Variants in ALK observed in about 807,000 individuals in gnomAD.
ALK encodes the protein ALK receptor tyrosine kinase.
Under a neutral mutation model 163.1 loss-of-function variants are expected in ALK, and 74 were observed. The observed-to-expected ratio is 0.45, with a 90% CI of 0.38 to 0.55. ALK has a LOEUF of 0.55. Among genes scored for constraint, ALK ranks in the 20% least tolerant of loss-of-function variants. The pLI, the probability that ALK is intolerant of heterozygous loss-of-function variation, is 0.00. For missense variants in ALK, 2,063 were observed against 2,105.3 expected (o/e 0.98, Z 0.39); for synonymous variants, 960 against 843.2 (o/e 1.14, Z -2.40).
chr2:29,826,441 G>A (rs1357074927), intron 1 of ALK, among the ~76,000 whole-genome samples: 5 of 146,386 alleles, frequency 3.4e-5, no homozygotes, highest in African/African-American at 5.1e-5. Flanking sequence ...AGCATCACCA[G>A]TTGATTTAAA....
chr2:29,441,012 C>T (rs1670527269), intron 4 of ALK, among the ~76,000 whole-genome samples: 1 of 152,166 alleles, frequency 6.6e-6, no homozygotes, highest in African/African-American at 2.4e-5. Context: ...CTTCAATAGC[C>T]AACTTGGACT....
At chr2:29,654,821 T>C (rs1451066147) in intron 3 of ALK, among the ~76,000 whole-genome samples, 1 of 152,098 alleles carries the variant, frequency 6.6e-6, no homozygotes, top group Non-Finnish European at 1.5e-5. Context: ...ATTCCCCTCC[T>C]TAAGACACTG....
At chr2:29,249,304 G>C (rs918422108) in intron 12 of ALK, among the ~76,000 whole-genome samples, 8 of 152,134 alleles carry the variant, frequency 5.3e-5, no homozygotes, top group African/African-American at 1.9e-4. Flanking sequence ...CTTACTGTTG[G>C]GTTTCCTGTG....
intron 3 of ALK, among the ~76,000 whole-genome samples, chr2:29,619,034 T>C (rs1003485892): frequency 5.9e-5 from 9 of 152,140 alleles, no homozygotes; most frequent in Admixed American, 5.9e-4. Flanking sequence ...TAGTTGTGTA[T>C]TTATTTAATT....
intron 4 of ALK, among the ~76,000 whole-genome samples, chr2:29,461,630 G>A (rs1460069154): frequency 6.6e-6 from 1 of 152,102 alleles, no homozygotes. Flanking sequence ...CAGACCTATT[G>A]CTCAGAGAAA....
intron 4 of ALK, among the ~76,000 whole-genome samples, chr2:29,439,343 T>C (rs1237718564): frequency 2.0e-5 from 3 of 152,224 alleles, no homozygotes; most frequent in Admixed American, 2.0e-4. Flanking sequence ...TGCTTATAGC[T>C]CTTACTTGAC....
chr2:29,519,044 A>G (rs1044190866), intron 4 of ALK, among the ~76,000 whole-genome samples: 4 of 152,262 alleles, frequency 2.6e-5, no homozygotes, highest in Non-Finnish European at 4.4e-5. Context: ...AGAGCCTACA[A>G]GGTAAGCAGG....
At chr2:29,538,055 G>T (rs1228150339) in intron 3 of ALK, among the ~76,000 whole-genome samples, 1 of 152,208 alleles carries the variant, frequency 6.6e-6, no homozygotes, top group Non-Finnish European at 1.5e-5. Context: ...GATTTTATAG[G>T]CACATAGGTG....
At chr2:29,808,768 A>G (rs1664679800) in intron 1 of ALK, among the ~76,000 whole-genome samples, 1 of 152,178 alleles carries the variant, frequency 6.6e-6, no homozygotes, top group African/African-American at 2.4e-5. Flanking sequence ...GTGGAAAGCA[A>G]AAGTCCATCC....
In ALK at chr2:29,223,360, T is replaced by C; in HGVS notation, c.3341A>G (p.Lys1114Arg). 1.9e-6 allele frequency: 3 copies of C among 1,614,178 alleles called. No individual in the cohort carries two copies. The highest frequency in any genetic ancestry group is 2.5e-6 in the Non-Finnish European group (3 of 1,180,040). ...SISDLKEVPR[K>R]NITLIRGLGH... The stretch of plus-strand genomic sequence containing the variant: ...CGCTCACCGAATGAGGGTGATGTTT[T>C]TCCGCGGCACCTCCTTCAGGTCACT... The change falls in exon 20 of 29, where the codon AAA becomes AGA. Residue 1114 changes from lysine (K) to arginine (R), a missense_variant. Physicochemically the swap from Lys to Arg is conservative, Grantham distance 26. Around this residue, in one of 5 missense-constraint regions of ALK, gnomAD observed 575 missense variants for 626.6 expected, o/e 0.92. Coordinates refer to ENST00000389048, the MANE Select transcript of ALK (RefSeq NM_004304.5).
chr2:29,296,808 C>G (rs1033369168), intron 9 of ALK, 80 bp downstream of exon 9: 9 of 1,587,846 alleles, frequency 5.7e-6, no homozygotes, highest in African/African-American at 1.3e-5. Context: ...GTAAAAGGCA[C>G]GGGGAAAGGG....
chr2:29,453,799 G>T (rs1166065094), intron 4 of ALK, among the ~76,000 whole-genome samples: 1 of 152,068 alleles, frequency 6.6e-6, no homozygotes, highest in African/African-American at 2.4e-5. Flanking sequence ...AAAATTTGAG[G>T]TATCCCTTGA....
At chr2:29,594,500 C>T (rs539820557) in intron 3 of ALK, among the ~76,000 whole-genome samples, 9 of 148,198 alleles carry the variant, frequency 6.1e-5, no homozygotes, top group African/African-American at 2.3e-4. Context: ...ACAATCTCGG[C>T]TCACTGCAAT....
rs1672554703 is a variant in ALK at position 29,512,643 on chromosome 2, G to A, written c.1154+19272C>T. Among the ~76,000 whole-genome samples, 3 of 149,528 alleles carry A rather than the reference G, an allele frequency of 2.0e-5. No individual in the cohort carries two copies. The South Asian group carries it at 6.5e-4, about 32-fold the overall frequency. On this transcript the variant is annotated intron_variant, in intron 4 of 28. Transcript: ENST00000389048. ...ATTCAACATAGTGTTGGAAGTTCTG[G>A]CCAGGGCAATTAGGCAGGTGAAGGA...
chr2:29,209,481 G>A (rs1001901611), intron 25 of ALK, among the ~76,000 whole-genome samples: 1 of 149,842 alleles, frequency 6.7e-6, no homozygotes, highest in African/African-American at 2.5e-5. Context: ...GGCAGAGGTT[G>A]TGGTGAGCCG....
rs371521416 is a variant in ALK, at chr2:29,223,520, G to A, written c.3181C>T (p.Arg1061Trp). The change falls in exon 20 of 29, where the codon CGG becomes TGG. Residue 1061 changes from arginine (R) to tryptophan (W), a missense_variant. This residue lies in a region of ALK where 575 missense variants were observed against 626.6 expected (regional missense o/e 0.92). Transcript: ENST00000389048. ...AFSGIMIVYR[R>W]KHQELQAMQM... ...ATGGCTTGCAGCTCCTGGTGCTTCCGGCGGTACACTGCAGGTGGGTGGTCA... is the reference window on the plus strand; with the variant it reads ...ATGGCTTGCAGCTCCTGGTGCTTCCAGCGGTACACTGCAGGTGGGTGGTCA... 20 of 1,613,518 alleles carry A rather than the reference G, an allele frequency of 1.2e-5. No individual in the cohort carries two copies. The Middle Eastern group carries it at 1.3e-3, about 106-fold the overall frequency.
In ALK at chr2:29,889,640, A is replaced by AC. The variant is rs554570471; in HGVS notation, c.667+30352dup. ...ACTTCCTGGGTCTGGCCATGCACAG[A>AC]CCCCCAGTACTGTTGTGGAATATCT... On this transcript the variant is annotated intron_variant, in intron 1 of 28. Transcript: ENST00000389048. Among the ~76,000 whole-genome samples the AC allele has an allele frequency of 3.3e-5, 5 of 150,772 alleles. No homozygotes were observed. The East Asian group carries it at 9.8e-4, about 30-fold the overall frequency.
At chr2:29,563,880 C>T (rs1458387561) in intron 3 of ALK, among the ~76,000 whole-genome samples, 1 of 152,160 alleles carries the variant, frequency 6.6e-6, no homozygotes, top group Non-Finnish European at 1.5e-5. Flanking sequence ...GCACTGTGGC[C>T]TGACCAAGGG....
At chr2:29,769,114 G>A (rs13433070) in intron 1 of ALK, among the ~76,000 whole-genome samples, 36,658 of 152,092 alleles carry the variant, frequency 0.24, 4,747 homozygotes, top group East Asian at 0.45. Context: ...GATTACAGGT[G>A]TGAGCCACAG....
Sources: allele counts gnomAD v4.1 joint callset (sites outside exome capture counted in the v4.1 genomes callset), GRCh38; gene constraint gnomAD v4.1.1; regional missense constraint gnomAD v4.1.1; transcripts MANE v1.5; gene names NCBI Gene and HGNC (gene_info 2026-07-23, HGNC 2026-07-21).